SHANK2: variants seen among roughly 807,000 people sequenced by gnomAD.
SHANK2 encodes the protein SH3 and multiple ankyrin repeat domains 2.
In SHANK2, 43 loss-of-function variants were observed where a neutral mutation model predicts 133.7. That is an observed-to-expected ratio of 0.32 (90% CI 0.25 to 0.41). SHANK2 has a LOEUF of 0.41. Ranked by LOEUF, SHANK2 falls within the 10% of genes least tolerant of loss-of-function variation. The pLI is 1.00. For synonymous variants in SHANK2, 1,017 were observed against 952.8 expected, an observed-to-expected ratio of 1.07 and a Z score of -1.24; for missense variants, 1,994 against 2,235.8, an observed-to-expected ratio of 0.89 and a Z score of 2.18.
At chr11:71,197,736 C>T (rs1336415175) in intron 2 of SHANK2, among the ~76,000 whole-genome samples, 12 of 152,184 alleles carry the variant, frequency 7.9e-5, no homozygotes, top group African/African-American at 1.7e-4. Context: ...CTGCAAGCTC[C>T]GCCTCCCAGG....
intron 17 of SHANK2, chr11:70,604,110 T>G (rs7938947): frequency 0.49 from 74,120 of 152,180 alleles, 18,323 homozygotes; most frequent in East Asian, 0.66. Flanking sequence ...GGGAGCAGCC[T>G]GGAGGGAGGG....
rs144663399 is a variant in SHANK2 at position 70,569,382 on chromosome 11, G to C, written c.2062-66451C>G. Among the ~76,000 whole-genome samples the C allele has an allele frequency of 7.3e-4, 111 of 152,332 alleles. No homozygotes were observed. The highest frequency in any genetic ancestry group is 2.6e-3 in the African/African-American group (107 of 41,576). On this transcript the variant is annotated intron_variant, in intron 17 of 25. Coordinates refer to ENST00000601538, the MANE Select transcript of SHANK2 (RefSeq NM_012309.5). This position sits in a 1 kb window ranked among gnomAD's most constrained non-coding sequence, Gnocchi z 5.1. The stretch of plus-strand genomic sequence containing the variant: ...CGGTTTCCAGGTGCGGTGGAGCGGG[G>C]AGCTCCGGGGCTGGCAGAGTGAGCA...
chr11:70,891,395 C>T (rs1037592830), intron 11 of SHANK2, among the ~76,000 whole-genome samples: 31 of 151,184 alleles, frequency 2.1e-4, no homozygotes, highest in African/African-American at 6.3e-4. Flanking sequence ...CCAGCTACTC[C>T]GGAGGCTGAG....
At chr11:71,141,790 T>C (rs1952558498) in intron 3 of SHANK2, among the ~76,000 whole-genome samples, 1 of 151,982 alleles carries the variant, frequency 6.6e-6, no homozygotes. Context: ...CAAATCTAAC[T>C]TCATGATGGA....
intron 3 of SHANK2, among the ~76,000 whole-genome samples, chr11:71,130,975 T>C (rs1476205357): frequency 6.6e-6 from 1 of 152,256 alleles, no homozygotes; most frequent in Non-Finnish European, 1.5e-5. Flanking sequence ...GAATTTCCTC[T>C]GCAGCTACGG....
intron 10 of SHANK2, among the ~76,000 whole-genome samples, chr11:70,930,799 C>A (rs1950493081): frequency 6.6e-6 from 1 of 150,380 alleles, no homozygotes; most frequent in African/African-American, 2.5e-5. Context: ...CCCTCCCATG[C>A]AGCTGAGACT....
chr11:70,883,757 C>T (rs1206774852), intron 11 of SHANK2, among the ~76,000 whole-genome samples: 7 of 152,208 alleles, frequency 4.6e-5, no homozygotes, highest in Non-Finnish European at 8.8e-5. Flanking sequence ...AAACAAGACC[C>T]GGCCTCCACC....
chr11:71,247,483 T>TAA (rs1555125159), intron 1 of SHANK2, among the ~76,000 whole-genome samples: 1 of 149,568 alleles, frequency 6.7e-6, no homozygotes, highest in African/African-American at 2.5e-5. Flanking sequence ...GCTGTTTTTT[T>TAA]TAAAAAAAAC....
intron 14 of SHANK2, among the ~76,000 whole-genome samples, chr11:70,738,846 C>T (rs1016169262): frequency 3.3e-5 from 5 of 152,242 alleles, no homozygotes; most frequent in Non-Finnish European, 2.9e-5. Context: ...CCTCCAGCCA[C>T]GTCCATGCAC....
intron 1 of SHANK2, among the ~76,000 whole-genome samples, chr11:71,228,117 C>A (rs1369267201): frequency 4.6e-5 from 7 of 151,642 alleles, no homozygotes; most frequent in Non-Finnish European, 7.4e-5. Context: ...TAAGGGAATA[C>A]TAAATCAGCT....
intron 17 of SHANK2, among the ~76,000 whole-genome samples, chr11:70,524,953 T>G (rs1554971830): frequency 6.6e-6 from 1 of 152,210 alleles, no homozygotes; most frequent in Non-Finnish European, 1.5e-5. Flanking sequence ...CAGGCCACAT[T>G]TGAACATTTT....
In SHANK2 at chr11:70,479,241, G is replaced by A. The variant is rs2058702022; in HGVS notation, c.4980-5802C>T. Among the ~76,000 whole-genome samples, 1 of 152,210 alleles carries A rather than the reference G, an allele frequency of 6.6e-6. No individual in the cohort carries two copies. Among genetic ancestry groups the A allele is most frequent in the Non-Finnish European group, 1.5e-5 (1 of 68,042 alleles). On this transcript the variant is annotated intron_variant, in intron 25 of 25. Transcript: ENST00000601538. This position sits in a 1 kb window ranked among gnomAD's most constrained non-coding sequence, Gnocchi z 4.4. ...GTGGTCCTGAGATGCTGAAAACACC[G>A]TGAGGCAGCTTCTAGTACCAAGTCA... is the stretch of plus-strand genomic sequence containing the variant.
At chr11:70,912,712 G>C (rs1950213818) in intron 10 of SHANK2, among the ~76,000 whole-genome samples, 1 of 152,210 alleles carries the variant, frequency 6.6e-6, no homozygotes, top group Admixed American at 6.5e-5. Context: ...GTCACACTCA[G>C]AAGATCGGCA....
intron 11 of SHANK2, among the ~76,000 whole-genome samples, chr11:70,838,362 T>G (rs1213766617): frequency 3.3e-5 from 5 of 152,246 alleles, no homozygotes; most frequent in Non-Finnish European, 5.9e-5. Context: ...TTTCCTTCTC[T>G]TCCTAGCTAG....
intron 17 of SHANK2, among the ~76,000 whole-genome samples, chr11:70,515,776 C>T (rs1375655102): frequency 2.6e-5 from 4 of 152,074 alleles, no homozygotes; most frequent in Non-Finnish European, 5.9e-5. Context: ...CACACCACTG[C>T]ACTCCAGCCT....
At chr11:70,842,942 C>T (rs9734129) in intron 11 of SHANK2, among the ~76,000 whole-genome samples, 4,065 of 152,188 alleles carry the variant, frequency 0.027, 165 homozygotes, top group African/African-American at 0.092. Context: ...CGGCCATTCC[C>T]TCGTGTCATC....
rs375960981 is a variant in SHANK2, at chr11:70,486,549, G to A, written c.3744C>T (p.Tyr1248=). The A allele has an allele frequency of 2.5e-6, 4 of 1,614,162 alleles. No individual in the cohort carries two copies. Among genetic ancestry groups the A allele is most frequent in the Non-Finnish European group, 3.4e-6 (4 of 1,180,046 alleles). The change falls in exon 25 of 26, where the codon TAC becomes TAT. Residue 1248 remains tyrosine, a synonymous_variant. Transcript: ENST00000601538. The surrounding 1 kb of genome is among the most constrained non-coding windows in gnomAD (Gnocchi z 8.0). ...GGCTGGGCCGCATTTTGGTATCAAT[G>A]TAAAGAGGTTTGTTGAGGTCGGCCT... ...APKADLNKPL[Y]IDTKMRPSLD... is the part of the protein sequence containing the mutation.
chr11:70,843,367 G>A (rs1948944792), intron 11 of SHANK2, among the ~76,000 whole-genome samples: 2 of 151,830 alleles, frequency 1.3e-5, no homozygotes, highest in South Asian at 4.2e-4. Context: ...GAGGAGGAAG[G>A]GAAGCAAGTC....
At chr11:70,706,897 C>T (rs1945673668) in intron 14 of SHANK2, among the ~76,000 whole-genome samples, 1 of 152,184 alleles carries the variant, frequency 6.6e-6, no homozygotes, top group South Asian at 2.1e-4. Flanking sequence ...TGCTGTACAG[C>T]TTGGCAAGGA....
Sources: gnomAD v4.1 joint callset for allele counts (sites outside exome capture counted in the v4.1 genomes callset) on GRCh38, gnomAD v4.1.1 for gene constraint, Gnocchi (gnomAD v3.1) non-coding constraint, MANE v1.5 for transcripts, NCBI Gene and HGNC (gene_info 2026-07-23, HGNC 2026-07-21) for gene names.